The following BATF2 variants were observed in gnomAD, a reference collection of about 807,000 sequenced individuals.
The protein encoded by BATF2 is basic leucine zipper transcriptional factor ATF-like 2.
Under a neutral mutation model 7.3 loss-of-function variants are expected in BATF2, and 4 were observed. The ratio of observed to expected loss-of-function variants is 0.55; its 90% CI spans 0.27 to 1.26. The LOEUF is 1.26. BATF2 is among the 50% of genes most tolerant of loss of function. The pLI is 0.11. For missense variants in BATF2, 295 were observed against 340.5 expected, an observed-to-expected ratio of 0.87 and a Z score of 1.05; for synonymous variants, 152 against 153.9, an observed-to-expected ratio of 0.99 and a Z score of 0.09.
In BATF2 at chr11:64,989,075, C is replaced by CTAA. The variant is rs771490266; in HGVS notation, c.*51_*53dup. On this transcript the variant is annotated 3_prime_UTR_variant, in exon 3 of 3. Transcript: ENST00000301887. This position sits in a 1 kb window ranked among gnomAD's most constrained non-coding sequence, Gnocchi z 4.3. ...TAGTGAGGGAGGAGAGGCCCGTGTG[C>CTAA]TAAGGCTGCTTCCTGAGCCCAAAGA... 2 of 1,589,848 alleles carry CTAA rather than the reference C, an allele frequency of 1.3e-6. No individual in the cohort carries two copies. The highest frequency in any genetic ancestry group is 2.7e-5 in the African/African-American group (2 of 74,336).
At chr11:64,994,399 C>T (rs1946096186) in intron 2 of BATF2, 49 bp downstream of exon 2, 6 of 1,523,352 alleles carry the variant, frequency 3.9e-6, no homozygotes, top group Non-Finnish European at 5.4e-6. Flanking sequence ...GGTGGCTGGG[C>T]CAGTAAGTGG....
At chr11:64,996,739 TGCAGA>T (rs1946112934) in intron 1 of BATF2, 132 bp downstream of exon 1, 2 of 1,036,536 alleles carry the variant, frequency 1.9e-6, no homozygotes, top group African/African-American at 3.3e-5. Flanking sequence ...GAGAGGGGCA[TGCAGA>T]GCCCTCTGTC....
Position 64,989,513 on chromosome 11 carries a change from G to T in BATF2, c.441C>A (p.Ser147Arg), listed in dbSNP as rs747999045. 6.9e-6 allele frequency: 11 copies of T among 1,600,660 alleles called. No individual in the cohort carries two copies. In the South Asian group the frequency reaches 1.1e-4, roughly 16 times the overall value. Residue 147 changes from serine to arginine, a missense_variant, in exon 3 of 3, where the codon AGC (serine) becomes AGA (arginine). Coordinates refer to ENST00000301887, the MANE Select transcript of BATF2 (RefSeq NM_138456.4). This position sits in a 1 kb window ranked among gnomAD's most constrained non-coding sequence, Gnocchi z 4.3. The stretch of plus-strand genomic sequence containing the variant: ...GTGAGGGCAGGGGGCACTGGAGGAG[G>T]CTGGGAGAATCATGAGGCTGTGGAC... ...SPGPQPHDSPSLLQCPLPSLS... is the reference protein window; with the variant it reads ...SPGPQPHDSPRLLQCPLPSLS...
chr11:64,996,317 C>T (rs1946109704), intron 1 of BATF2, among the ~76,000 whole-genome samples: 1 of 152,128 alleles, frequency 6.6e-6, no homozygotes, highest in Non-Finnish European at 1.5e-5. Flanking sequence ...AGTGCAGTGA[C>T]ATGAGCTCAG....
chr11:64,989,237 C>T lies in BATF2; in HGVS notation c.717G>A (p.Glu239=), dbSNP rs1946050466. The stretch of plus-strand genomic sequence containing the variant: ...TGGCTGCTGAGAGAGCAGGTTTGTG[C>T]TCCCTGCTCTGCAGACGTGCAAGCC... The part of the protein sequence containing the change: ...ALGLARLQSR[E]HKPALSAATW... The change falls in exon 3 of 3, where the codon GAG becomes GAA. Residue 239 remains glutamate, a synonymous_variant. Coordinates refer to ENST00000301887, the MANE Select transcript of BATF2 (RefSeq NM_138456.4). The surrounding 1 kb of genome is among the most constrained non-coding windows in gnomAD (Gnocchi z 4.3). 3 of 1,613,526 alleles carry T rather than the reference C, an allele frequency of 1.9e-6. No individual in the cohort carries two copies. The highest frequency in any genetic ancestry group is 1.7e-6 in the Non-Finnish European group (2 of 1,179,666).
chr11:64,994,622 T>G (rs1946098398), intron 1 of BATF2, 73 bp from the exon 2 acceptor site: 2 of 1,401,880 alleles, frequency 1.4e-6, no homozygotes, highest in Admixed American at 4.0e-5. Flanking sequence ...CCGCCATTTG[T>G]AAAGCCAAGT....
chr11:64,988,955 G>A lies in BATF2; in HGVS notation c.*174C>T, dbSNP rs1176310948. ...GAGGTTGAAATAAGATATTGGTGGTGACAGGGCCTGTCACAGTGGGAGGCA... is the reference window on the plus strand; with the variant it reads ...GAGGTTGAAATAAGATATTGGTGGTAACAGGGCCTGTCACAGTGGGAGGCA... On this transcript the variant is annotated 3_prime_UTR_variant, in exon 3 of 3. Coordinates refer to ENST00000301887, the MANE Select transcript of BATF2 (RefSeq NM_138456.4). The A allele has an allele frequency of 3.0e-5, 19 of 642,580 alleles. No homozygotes were observed. Among genetic ancestry groups the A allele is most frequent in the Middle Eastern group, 3.9e-4 (1 of 2,546 alleles). The allele number at this position is 642,580 out of a possible 1,614,324, so 39.8% of individuals were successfully genotyped here.
intron 2 of BATF2, among the ~76,000 whole-genome samples, chr11:64,993,925 A>G (rs1946093442): frequency 6.6e-6 from 1 of 152,106 alleles, no homozygotes; most frequent in East Asian, 1.9e-4. Context: ...TTTCCTGAGT[A>G]GCTGGGACTA....
At chr11:64,990,171 A>G in intron 2 of BATF2, 1 of 1,535,714 alleles carries the variant, frequency 6.5e-7, no homozygotes, top group Non-Finnish European at 8.7e-7. Flanking sequence ...ATTGCAGGTT[A>G]AAGCCCTTTA....
intron 2 of BATF2, among the ~76,000 whole-genome samples, chr11:64,991,283 A>C (rs1052070395): frequency 6.6e-6 from 1 of 150,556 alleles, no homozygotes; most frequent in African/African-American, 2.5e-5. Context: ...CAGCCTCCCG[A>C]GTAGCTGGGA....
intron 1 of BATF2, among the ~76,000 whole-genome samples, chr11:64,996,348 C>T (rs1182815958): frequency 1.3e-5 from 2 of 152,156 alleles, no homozygotes; most frequent in Non-Finnish European, 2.9e-5. Flanking sequence ...CCTCCATCTC[C>T]CGGGTTCAAG....
intron 1 of BATF2, among the ~76,000 whole-genome samples, chr11:64,996,594 G>C (rs777388843): frequency 3.9e-5 from 6 of 152,204 alleles, no homozygotes; most frequent in South Asian, 2.1e-4. Context: ...GTGTAGTGAG[G>C]GGGGACCAGG....
intron 2 of BATF2, 74 bp downstream of exon 2, chr11:64,994,374 G>C (rs1236540020): frequency 7.1e-6 from 10 of 1,408,886 alleles, no homozygotes; most frequent in Non-Finnish European, 9.8e-6. Flanking sequence ...CTGCTCAAAG[G>C]TGGGATGGAG....
Position 64,988,392 on chromosome 11 carries a change from G to C in BATF2, c.*737C>G, listed in dbSNP as rs928591107. ...CTCTTCTGCTGTGGCTTTAGGGGCA[G>C]TGGGGAGGCAGGGAGCTATTTGGGA... On this transcript the variant is annotated 3_prime_UTR_variant, in exon 3 of 3. Coordinates refer to ENST00000301887, the MANE Select transcript of BATF2 (RefSeq NM_138456.4). 6.6e-6 allele frequency: 1 copy of C among 152,336 alleles called. No individual in the cohort carries two copies. The highest frequency in any genetic ancestry group is 2.4e-5 in the African/African-American group (1 of 41,444). The allele number at this position is 152,336 out of a possible 1,614,324, so 9.4% of individuals were successfully genotyped here.
rs1248403244 is a variant in BATF2 at position 64,989,734 on chromosome 11, T to G, written c.220A>C (p.Ser74Arg). Residue 74 changes from serine to arginine, a missense_variant, in exon 3 of 3, where the codon AGC (serine) becomes CGC (arginine). Coordinates refer to ENST00000301887, the MANE Select transcript of BATF2 (RefSeq NM_138456.4). This position sits in a 1 kb window ranked among gnomAD's most constrained non-coding sequence, Gnocchi z 4.3. ...QSLQAELAWW[S>R]RTLHVHERLC... ...CGCTCATGCACGTGCAGGGTCCGGC[T>G]CCACCACGCCAGCTCGGCCTGCAGG... The G allele has an allele frequency of 1.2e-6, 2 of 1,613,874 alleles. No individual in the cohort carries two copies. Among genetic ancestry groups the G allele is most frequent in the African/African-American group, 2.7e-5 (2 of 74,926 alleles).
At chr11:64,990,186 C>T in intron 2 of BATF2, 1 of 1,535,746 alleles carries the variant, frequency 6.5e-7, no homozygotes, top group South Asian at 1.2e-5. Flanking sequence ...CCTTTAGAGG[C>T]ACCCACCAAA....
rs1946036430 is a variant in BATF2, at chr11:64,987,999, T to G, written c.*1130A>C. On this transcript the variant is annotated 3_prime_UTR_variant, in exon 3 of 3. Coordinates refer to ENST00000301887, the MANE Select transcript of BATF2 (RefSeq NM_138456.4). ...CATATGTGCCAAGACTTGTGTTCTGTATCCAGGAGTGTGTTAGATACTAAC... is the reference window on the plus strand; with the variant it reads ...CATATGTGCCAAGACTTGTGTTCTGGATCCAGGAGTGTGTTAGATACTAAC... 6.6e-6 allele frequency: 1 copy of G among 152,258 alleles called. No individual in the cohort carries two copies. Among genetic ancestry groups the G allele is most frequent in the African/African-American group, 2.4e-5 (1 of 41,480 alleles). The allele number at this position is 152,258 out of a possible 1,614,324, so 9.4% of individuals were successfully genotyped here. A position where few individuals can be genotyped will look rare whatever the true frequency, so the allele number is the denominator to read the frequency against.
At chr11:64,990,247 C>G in intron 2 of BATF2, 1 of 1,531,870 alleles carries the variant, frequency 6.5e-7, no homozygotes, top group Non-Finnish European at 8.7e-7. Flanking sequence ...CTCAGACCTC[C>G]GGTCTCCTCT....
rs146768788 is a variant in BATF2, at chr11:64,989,340, G to C, written c.614C>G (p.Pro205Arg). 2.5e-6 allele frequency: 4 copies of C among 1,572,542 alleles called. No homozygotes were observed. Among genetic ancestry groups the C allele is most frequent in the Non-Finnish European group, 3.5e-6 (4 of 1,158,808 alleles). ...LQPSLTAQTA[P>R]PQPLELEHPT... ...ATGCTCCAGCTCGAGGGGCTGTGGA[G>C]GGGCAGTTTGGGCCGTGAGGCTGGG... The change falls in exon 3 of 3, where the codon CCT becomes CGT. Residue 205 changes from proline (P) to arginine (R), a missense_variant. Coordinates refer to ENST00000301887, the MANE Select transcript of BATF2 (RefSeq NM_138456.4). The surrounding 1 kb of genome is among the most constrained non-coding windows in gnomAD (Gnocchi z 4.3).
Sources: allele counts gnomAD v4.1 joint callset (sites outside exome capture counted in the v4.1 genomes callset), GRCh38; gene constraint gnomAD v4.1.1; non-coding constraint Gnocchi (gnomAD v3.1); transcripts MANE v1.5; gene names NCBI Gene and HGNC (gene_info 2026-07-23, HGNC 2026-07-21).